Variants in XYLT1 observed in about 807,000 individuals in gnomAD.
XYLT1 encodes the protein beta-D-xylosyltransferase 1.
In XYLT1, 36 loss-of-function variants were observed where a neutral mutation model predicts 91.3. That is an observed-to-expected ratio of 0.39 (90% CI 0.30 to 0.52). XYLT1 has a LOEUF of 0.52. XYLT1 is among the 20% of genes least tolerant of loss of function. XYLT1 has a pLI of 0.68. For missense variants in XYLT1, 1,242 were observed against 1,284.5 expected (o/e 0.97, Z 0.51); for synonymous variants, 588 against 532.0 (o/e 1.11, Z -1.45).
chr16:17,392,335 T>C (rs2035830032), intron 1 of XYLT1, among the ~76,000 whole-genome samples: 1 of 152,182 alleles, frequency 6.6e-6, no homozygotes, highest in East Asian at 1.9e-4. Flanking sequence ...ATCCAAGTTT[T>C]CACATGGCTT....
chr16:17,366,574 A>T (rs1205552336), intron 1 of XYLT1, among the ~76,000 whole-genome samples: 1 of 152,170 alleles, frequency 6.6e-6, no homozygotes, highest in African/African-American at 2.4e-5. Context: ...GCATACCTGT[A>T]GTCCCAGCTA....
At chr16:17,179,894 T>G (rs1462725919) in intron 5 of XYLT1, among the ~76,000 whole-genome samples, 1 of 152,228 alleles carries the variant, frequency 6.6e-6, no homozygotes, top group African/African-American at 2.4e-5. Flanking sequence ...CATTTCTCTT[T>G]AAATCATCTT....
chr16:17,394,089 T>A (rs963549541), intron 1 of XYLT1, among the ~76,000 whole-genome samples: 1 of 152,156 alleles, frequency 6.6e-6, no homozygotes, highest in African/African-American at 2.4e-5. Flanking sequence ...GATTTTTTTT[T>A]AAATGTCAAA....
chr16:17,136,423 C>T (rs2030724077), intron 8 of XYLT1, among the ~76,000 whole-genome samples: 1 of 152,300 alleles, frequency 6.6e-6, no homozygotes, highest in South Asian at 2.1e-4. Context: ...TGGTGGGGAG[C>T]ACAGCTTAGC....
At chr16:17,138,287 T>TGGATTTCTGCAGAGGTTTG in intron 8 of XYLT1, 68 bp downstream of exon 8, 4 of 1,570,470 alleles carry the variant, frequency 2.5e-6, no homozygotes, top group Non-Finnish European at 3.5e-6. Flanking sequence ...GGTCTGGCCT[T>TGGATTTCTGCAGAGGTTTG]GGATTTCTGC....
intron 4 of XYLT1, 119 bp from the exon 5 acceptor site, chr16:17,198,533 G>T: frequency 1.1e-6 from 1 of 949,510 alleles, no homozygotes; most frequent in South Asian, 1.7e-5. Flanking sequence ...TGAGCACAGT[G>T]GCCTTTGCCA....
chr16:17,127,317 A>C (rs2030295120), intron 10 of XYLT1, among the ~76,000 whole-genome samples: 1 of 152,224 alleles, frequency 6.6e-6, no homozygotes, highest in South Asian at 2.1e-4. Context: ...ACTTCCTAGC[A>C]ATCCAGAAAA....
chr16:17,215,240 C>T (rs927986300), intron 3 of XYLT1, among the ~76,000 whole-genome samples: 2 of 152,168 alleles, frequency 1.3e-5, no homozygotes, highest in African/African-American at 4.8e-5. Context: ...CCTGTAATCC[C>T]AGCTACTCAG....
rs2035844521 is a variant in XYLT1, at chr16:17,393,381, GC to G, written c.364-35332del. Among the ~76,000 whole-genome samples, 4 of 152,158 alleles carry G rather than the reference GC, an allele frequency of 2.6e-5. No homozygotes were observed. In the South Asian group the frequency reaches 8.3e-4, roughly 32 times the overall value. Reference sequence around the variant, plus strand: ...TAAACTGTGGAGTGGTGAAGTGTGGGCTTTTAGTGTATACCATCATCCAAAC... The same window carrying G: ...TAAACTGTGGAGTGGTGAAGTGTGGGTTTTAGTGTATACCATCATCCAAAC... On this transcript the variant is annotated intron_variant, in intron 1 of 11. Coordinates refer to ENST00000261381, the MANE Select transcript of XYLT1 (RefSeq NM_022166.4).
intron 1 of XYLT1, among the ~76,000 whole-genome samples, chr16:17,368,112 C>T (rs932928946): frequency 2.1e-4 from 32 of 152,198 alleles, no homozygotes; most frequent in African/African-American, 7.5e-4. Flanking sequence ...CAAGAGGCCA[C>T]ACACAGAACT....
intron 3 of XYLT1, among the ~76,000 whole-genome samples, chr16:17,214,981 C>G (rs2032828568): frequency 6.6e-6 from 1 of 152,124 alleles, no homozygotes; most frequent in Non-Finnish European, 1.5e-5. Flanking sequence ...TGAATCGTGT[C>G]CCCCGAAAAT....
intron 1 of XYLT1, among the ~76,000 whole-genome samples, chr16:17,409,546 CTT>C (rs35377886): frequency 1.9e-4 from 22 of 117,308 alleles, no homozygotes; most frequent in African/African-American, 1.7e-4. Context: ...TATTGAGACA[CTT>C]TTTTTTTTTT....
chr16:17,456,912 GCA>G (rs2036751563), intron 1 of XYLT1, among the ~76,000 whole-genome samples: 2 of 152,146 alleles, frequency 1.3e-5, no homozygotes, highest in African/African-American at 4.8e-5. Context: ...GCTCAGTACA[GCA>G]CAGTGCCTGC....
At chr16:17,315,765 G>C (rs1001662391) in intron 2 of XYLT1, among the ~76,000 whole-genome samples, 4 of 152,124 alleles carry the variant, frequency 2.6e-5, no homozygotes, top group African/African-American at 9.7e-5. Flanking sequence ...AAGGTCACCT[G>C]GTGGTAGATC....
intron 8 of XYLT1, among the ~76,000 whole-genome samples, chr16:17,135,563 CAAA>C (rs112216252): frequency 2.6e-5 from 3 of 117,116 alleles, no homozygotes; most frequent in Admixed American, 1.8e-4. Context: ...GAGTGTAGCT[CAAA>C]AAAAAAAAAA....
chr16:17,222,385 CG>C (rs1301419370), intron 3 of XYLT1, among the ~76,000 whole-genome samples: 3 of 152,228 alleles, frequency 2.0e-5, no homozygotes, highest in African/African-American at 7.2e-5. Context: ...CCACCATGTA[CG>C]GGACGGCCCC....
At chr16:17,347,731 C>T (rs1478833863) in intron 2 of XYLT1, among the ~76,000 whole-genome samples, 3 of 152,186 alleles carry the variant, frequency 2.0e-5, no homozygotes, top group Non-Finnish European at 2.9e-5. Context: ...GCTGAGCCAG[C>T]GAGGCGGGGG....
chr16:17,389,805 A>G (rs2035792781), intron 1 of XYLT1, among the ~76,000 whole-genome samples: 1 of 152,192 alleles, frequency 6.6e-6, no homozygotes, highest in Admixed American at 6.5e-5. Flanking sequence ...TTCTCCACTA[A>G]CTTTTTATCC....
chr16:17,211,753 T>G lies in XYLT1; in HGVS notation c.914-11099A>C, dbSNP rs148152462. Among the ~76,000 whole-genome samples, 601 of 152,250 alleles carry G rather than the reference T, an allele frequency of 3.9e-3. 3 individuals carry two copies. The highest frequency in any genetic ancestry group is 0.014 in the African/African-American group (575 of 41,552). The stretch of plus-strand genomic sequence containing the variant: ...CTGGCATCCTCATCTTCACTCAGGC[T>G]CCCATGCTAAGCTTGATGGGAACCA... On this transcript the variant is annotated intron_variant, in intron 3 of 11. Coordinates refer to ENST00000261381, the MANE Select transcript of XYLT1 (RefSeq NM_022166.4).
Sources: allele counts gnomAD v4.1 joint callset (sites outside exome capture counted in the v4.1 genomes callset), GRCh38; gene constraint gnomAD v4.1.1; transcripts MANE v1.5; gene names NCBI Gene and HGNC (gene_info 2026-07-23, HGNC 2026-07-21).